ADGRL3: variants seen among roughly 807,000 people sequenced by gnomAD.
ADGRL3 encodes the protein calcium-independent alpha-latrotoxin receptor 3.
In ADGRL3, 62 loss-of-function variants were observed where a neutral mutation model predicts 153.5. That is an observed-to-expected ratio of 0.40 (90% CI 0.33 to 0.50). ADGRL3 has a LOEUF of 0.50. Among genes scored for constraint, ADGRL3 ranks in the 20% least tolerant of loss-of-function variants. The probability of loss-of-function intolerance (pLI) is 0.47; values close to 1 mark genes in which losing one functional copy is unlikely to be tolerated. For synonymous variants in ADGRL3, 710 were observed against 672.5 expected (o/e 1.06, Z -0.86); for missense variants, 1,641 against 1,859.4 (o/e 0.88, Z 2.16).
intron 8 of ADGRL3, among the ~76,000 whole-genome samples, chr4:61,771,062 A>G (rs983665702): frequency 6.6e-6 from 1 of 152,176 alleles, no homozygotes; most frequent in African/African-American, 2.4e-5. Context: ...GCAGGTTTCC[A>G]GTTGCTTCCT....
intron 9 of ADGRL3, among the ~76,000 whole-genome samples, chr4:61,866,185 C>T (rs910718672): frequency 6.6e-6 from 1 of 152,156 alleles, no homozygotes; most frequent in African/African-American, 2.4e-5. Flanking sequence ...TAGCTAGCTC[C>T]CTATGCATCT....
chr4:61,467,854 C>T (rs1462102302), intron 2 of ADGRL3, among the ~76,000 whole-genome samples: 2 of 152,166 alleles, frequency 1.3e-5, no homozygotes, highest in South Asian at 2.1e-4. Context: ...TAAAATATTG[C>T]TTTTTAAGAA....
intron 15 of ADGRL3, among the ~76,000 whole-genome samples, chr4:61,946,166 AT>A (rs1319659323): frequency 6.6e-6 from 1 of 152,156 alleles, no homozygotes; most frequent in African/African-American, 2.4e-5. Context: ...CAGTTGAACT[AT>A]TTTACACTAC....
intron 5 of ADGRL3, among the ~76,000 whole-genome samples, chr4:61,608,660 G>A (rs890675378): frequency 1.3e-5 from 2 of 152,156 alleles, no homozygotes; most frequent in African/African-American, 2.4e-5. Flanking sequence ...ATTTTCGTCT[G>A]TGAATTTTGT....
chr4:61,960,596 T>G (rs1046529741), intron 17 of ADGRL3, among the ~76,000 whole-genome samples: 1 of 152,216 alleles, frequency 6.6e-6, no homozygotes. Flanking sequence ...TGTTTTACAT[T>G]TACCAGTTTT....
At chr4:61,792,980 C>CAA (rs578014832) in intron 8 of ADGRL3, among the ~76,000 whole-genome samples, 19 of 130,738 alleles carry the variant, frequency 1.5e-4, no homozygotes, top group African/African-American at 2.0e-4. Context: ...GGCAATTTAC[C>CAA]AAAAAAAAAA....
intron 17 of ADGRL3, among the ~76,000 whole-genome samples, chr4:61,974,014 T>C (rs1223537753): frequency 6.6e-6 from 1 of 152,082 alleles, no homozygotes; most frequent in Non-Finnish European, 1.5e-5. Context: ...GTCACCCAGG[T>C]TGGAGTGCAG....
chr4:61,207,854 C>T (rs983824785), intron 1 of ADGRL3, among the ~76,000 whole-genome samples: 44 of 152,174 alleles, frequency 2.9e-4, no homozygotes, highest in African/African-American at 9.6e-4. Context: ...GAGAATGGCT[C>T]AGGTAGATTT....
In ADGRL3 at chr4:61,428,865, ATC is replaced by A. The variant is rs1289399040; in HGVS notation, c.-174+45678_-174+45679del. On this transcript the variant is annotated intron_variant, in intron 2 of 26. Transcript: ENST00000683033. ...TATCTATCTATCTATCTATCTATCT[ATC>A]TATCTATATCATCTATCTATCTATA... Among the ~76,000 whole-genome samples, 112 of 120,408 alleles carry A rather than the reference ATC, an allele frequency of 9.3e-4. No individual in the cohort carries two copies. In the Middle Eastern group the frequency reaches 0.015, roughly 16 times the overall value. The allele number at this position is 120,408 out of a possible 152,430, so 79.0% of individuals were successfully genotyped here. A position where few individuals can be genotyped will look rare whatever the true frequency, so the allele number is the denominator to read the frequency against.
At chr4:61,619,564 CTGTG>C (rs1257332510) in intron 5 of ADGRL3, among the ~76,000 whole-genome samples, 1 of 151,634 alleles carries the variant, frequency 6.6e-6, no homozygotes, top group East Asian at 1.9e-4. Flanking sequence ...TCATAACCTC[CTGTG>C]TGTGTGTATT....
intron 1 of ADGRL3, among the ~76,000 whole-genome samples, chr4:61,336,059 T>G (rs1471374259): frequency 6.6e-6 from 1 of 152,170 alleles, no homozygotes; most frequent in East Asian, 1.9e-4. Flanking sequence ...GGATAAGGTA[T>G]TGGATAGAGA....
chr4:61,233,966 T>A (rs1010671082), intron 1 of ADGRL3, among the ~76,000 whole-genome samples: 6 of 152,214 alleles, frequency 3.9e-5, no homozygotes, highest in African/African-American at 1.4e-4. Context: ...GTGATGTCAT[T>A]TTGTGGTCTT....
intron 15 of ADGRL3, among the ~76,000 whole-genome samples, chr4:61,937,704 G>A (rs538090764): frequency 6.6e-6 from 1 of 152,256 alleles, no homozygotes; most frequent in East Asian, 1.9e-4. Context: ...TTCCATGAAA[G>A]CAGAGGCCTT....
intron 2 of ADGRL3, among the ~76,000 whole-genome samples, chr4:61,473,760 G>A (rs2098002528): frequency 6.6e-6 from 1 of 151,826 alleles, no homozygotes; most frequent in Admixed American, 6.6e-5. Context: ...CTATCTGTGG[G>A]GCCTGGAATC....
At position 61,622,417 on chromosome 4, in the gene ADGRL3, CTTAAT is replaced by C. The variant is rs1383337735; in HGVS notation, c.473+34982_473+34986del. 4.6e-5 allele frequency among the ~76,000 whole-genome samples: 7 copies of C among 152,176 alleles called. No homozygotes were observed. The East Asian group carries it at 1.2e-3, about 25-fold the overall frequency. ...AGGATGAACTTTTTGGAAAAAATGT[CTTAAT>C]TTAACATTCTCATCATTGCCTCCCA... On this transcript the variant is annotated intron_variant, in intron 5 of 26. Coordinates refer to ENST00000683033, the MANE Select transcript of ADGRL3 (RefSeq NM_001387552.1).
chr4:61,754,571 G>A (rs1283154056), intron 8 of ADGRL3, among the ~76,000 whole-genome samples: 1 of 151,400 alleles, frequency 6.6e-6, no homozygotes, highest in East Asian at 2.0e-4. Flanking sequence ...CCACCCAATG[G>A]GTTCACCTTG....
intron 1 of ADGRL3, among the ~76,000 whole-genome samples, chr4:61,362,326 TTATATATATA>T (rs373888895): frequency 6.9e-6 from 1 of 144,664 alleles, no homozygotes; most frequent in African/African-American, 2.5e-5. Context: ...TATTTGAAAA[TTATATATATA>T]TATATATATA....
At chr4:62,068,260 A>T (rs1345777517) in intron 26 of ADGRL3, 77 bp downstream of exon 26, 1 of 1,328,686 alleles carries the variant, frequency 7.5e-7, no homozygotes, top group South Asian at 1.3e-5. Context: ...CATATAGATG[A>T]TGTAGTTATT....
At chr4:61,979,236 A>G (rs2099058948) in intron 17 of ADGRL3, among the ~76,000 whole-genome samples, 1 of 152,224 alleles carries the variant, frequency 6.6e-6, no homozygotes, top group Admixed American at 6.5e-5. Context: ...TATAAATTTA[A>G]AAAATAAAAT....
Sources: gnomAD v4.1 joint callset for allele counts (sites outside exome capture counted in the v4.1 genomes callset) on GRCh38, gnomAD v4.1.1 for gene constraint, MANE v1.5 for transcripts, NCBI Gene and HGNC (gene_info 2026-07-23, HGNC 2026-07-21) for gene names.